Variants in HMGXB3 observed in about 807,000 individuals in gnomAD.
The protein encoded by HMGXB3 is HMG-box containing 3.
HMGXB3 carries 45 observed loss-of-function variants against 121.5 expected under a neutral mutation model. The ratio of observed to expected loss-of-function variants is 0.37; its 90% CI spans 0.29 to 0.47. The LOEUF (loss-of-function observed/expected upper bound fraction) is 0.47. Among genes scored for constraint, HMGXB3 ranks in the 20% least tolerant of loss-of-function variants. The pLI is 0.99. For synonymous variants in HMGXB3, 590 were observed against 624.1 expected (o/e 0.95, Z 0.81); for missense variants, 1,376 against 1,602.2 (o/e 0.86, Z 2.41).
intron 11 of HMGXB3, 134 bp downstream of exon 11, chr5:150,032,737 T>C (rs1756410404): frequency 1.9e-6 from 2 of 1,080,478 alleles, no homozygotes; most frequent in Non-Finnish European, 2.6e-6. Flanking sequence ...GTTGGTGGGT[T>C]CTGAACCTGA....
chr5:150,027,824 A>T (rs1257875532), intron 9 of HMGXB3, among the ~76,000 whole-genome samples: 2 of 152,178 alleles, frequency 1.3e-5, no homozygotes, highest in African/African-American at 4.8e-5. Flanking sequence ...AAGTGCTGGG[A>T]TTACAGGGGT....
At position 150,026,954 on chromosome 5, in the gene HMGXB3, G is replaced by A. The variant is rs555897461; in HGVS notation, c.1637-66G>A. 6.5e-5 allele frequency: 100 copies of A among 1,531,634 alleles called. 1 individual carries two copies. Among genetic ancestry groups the A allele is most frequent in the South Asian group, 4.2e-4 (34 of 81,006 alleles). The allele number at this position is 1,531,634 out of a possible 1,614,324, so 94.9% of individuals were successfully genotyped here. On this transcript the variant is annotated intron_variant, in intron 8 of 19. Transcript: ENST00000502717. ...GGGACAGGAGTGGGGGGTTGAGAACGGACATAGAGACTTGGGGAGACTCTG... is the reference window on the plus strand; with the variant it reads ...GGGACAGGAGTGGGGGGTTGAGAACAGACATAGAGACTTGGGGAGACTCTG...
intron 5 of HMGXB3, 121 bp from the exon 6 acceptor site, chr5:150,018,445 A>G (rs1387604589): frequency 2.7e-6 from 2 of 743,872 alleles, no homozygotes; most frequent in African/African-American, 3.6e-5. Context: ...ACCTTTTATG[A>G]TATGATTATG....
At chr5:150,032,099 G>A (rs1401499367) in intron 10 of HMGXB3, among the ~76,000 whole-genome samples, 2 of 150,162 alleles carry the variant, frequency 1.3e-5, no homozygotes, top group Non-Finnish European at 1.5e-5. Flanking sequence ...TTGTCTTCAG[G>A]CAGGGCTTGA....
chr5:150,030,781 T>G lies in HMGXB3; in HGVS notation c.1775T>G (p.Val592Gly). The G allele has an allele frequency of 6.4e-7, 1 of 1,552,186 alleles. No individual in the cohort carries two copies. Among genetic ancestry groups the G allele is most frequent in the East Asian group, 2.4e-5 (1 of 40,916 alleles). Reference protein sequence around the residue: ...GPSNRTSQVKVVEVKPDMFPP... With the variant: ...GPSNRTSQVKGVEVKPDMFPP... ...TCCAACAGGACTTCTCAGGTGAAAG[T>G]TGTGGAGGTCAAGCCCGATATGTTT... The change falls in exon 10 of 20, where the codon GTT (valine) becomes GGT (glycine). Residue 592 changes from valine (V) to glycine (G), a missense_variant. Coordinates refer to ENST00000502717, the MANE Select transcript of HMGXB3 (RefSeq NM_014983.3).
At position 150,052,517 on chromosome 5, in the gene HMGXB3, G is replaced by A. The variant is rs1403797197; in HGVS notation, c.*325G>A. Reference sequence around the variant, plus strand: ...CGTGGGGCCTGCGGTGTGGGTCAGGGTGGAGGTCCTGGGTGGGCTAAGGCG... The same window carrying A: ...CGTGGGGCCTGCGGTGTGGGTCAGGATGGAGGTCCTGGGTGGGCTAAGGCG... On this transcript the variant is annotated 3_prime_UTR_variant, in exon 20 of 20. Coordinates refer to ENST00000502717, the MANE Select transcript of HMGXB3 (RefSeq NM_014983.3). 2 of 306,184 alleles carry A rather than the reference G, an allele frequency of 6.5e-6. No homozygotes were observed. The highest frequency in any genetic ancestry group is 1.2e-5 in the Non-Finnish European group (2 of 162,228). 19.0% of individuals were successfully genotyped at this position (306,184 alleles called of 1,614,324 possible).
Position 150,010,386 on chromosome 5 carries a change from C to G in HMGXB3, c.588C>G (p.Thr196=). 6.4e-7 allele frequency: 1 copy of G among 1,551,638 alleles called. No homozygotes were observed. Among genetic ancestry groups the G allele is most frequent in the Non-Finnish European group, 8.7e-7 (1 of 1,146,978 alleles). ...TGGCTGAGGAGGTGGGAGCCCTTAC[C>G]CAGTCAGGTGCTGTACAGGAGATTG... The part of the protein sequence containing the change: ...EALAEEVGAL[T]QSGAVQEIAT... The change falls in exon 4 of 20, where the codon ACC becomes ACG. Residue 196 remains threonine, a synonymous_variant. Coordinates refer to ENST00000502717, the MANE Select transcript of HMGXB3 (RefSeq NM_014983.3).
chr5:150,031,850 G>A (rs1330709571), intron 10 of HMGXB3, among the ~76,000 whole-genome samples: 2 of 152,100 alleles, frequency 1.3e-5, no homozygotes, highest in African/African-American at 2.4e-5. Flanking sequence ...TGATCCATAA[G>A]GAGAATGTGT....
intron 5 of HMGXB3, among the ~76,000 whole-genome samples, chr5:150,013,353 G>C (rs116075648): frequency 0.013 from 2,035 of 152,150 alleles, 37 homozygotes; most frequent in African/African-American, 0.047. Flanking sequence ...AGAATTTTCC[G>C]GAAGTTGGTT....
chr5:150,040,713 C>T, intron 13 of HMGXB3, 35 bp from the exon 14 acceptor site: 3 of 1,545,714 alleles, frequency 1.9e-6, no homozygotes, highest in Non-Finnish European at 2.6e-6. Flanking sequence ...GTGTATGATA[C>T]ATTAATTTCC....
chr5:150,041,837 T>C lies in HMGXB3; in HGVS notation c.2598T>C (p.Asn866=). The change falls in exon 15 of 20, where the codon AAT becomes AAC. Residue 866 remains asparagine (N), a synonymous_variant. Transcript: ENST00000502717. ...GCCAGCTGCAGGAGCTGCTGTGCAA[T>C]GGCTATTGGGCCTTTGAGTGCCTCA... is the stretch of plus-strand genomic sequence containing the variant. ...ELSQLQELLC[N]GYWAFECLTV... is the part of the protein sequence containing the mutation. The C allele has an allele frequency of 6.4e-7, 1 of 1,551,706 alleles. No homozygotes were observed.
At chr5:150,042,849 C>G (rs925991291) in intron 15 of HMGXB3, among the ~76,000 whole-genome samples, 1 of 152,152 alleles carries the variant, frequency 6.6e-6, no homozygotes, top group African/African-American at 2.4e-5. Context: ...AAATATTATT[C>G]CAAACATAGG....
At chr5:150,044,797 G>A (rs922499084) in intron 15 of HMGXB3, among the ~76,000 whole-genome samples, 26 of 152,178 alleles carry the variant, frequency 1.7e-4, no homozygotes, top group African/African-American at 5.5e-4. Flanking sequence ...ATTAGGATCC[G>A]GGTCACGTTT....
intron 16 of HMGXB3, among the ~76,000 whole-genome samples, chr5:150,046,410 T>C (rs942696304): frequency 9.9e-5 from 15 of 152,262 alleles, no homozygotes; most frequent in Non-Finnish European, 2.1e-4. Flanking sequence ...TATTTTTCTT[T>C]ATTTTCTATC....
In HMGXB3 at chr5:150,052,433, G is replaced by T. The variant is rs754034806; in HGVS notation, c.*241G>T. The T allele has an allele frequency of 1.5e-5, 8 of 523,324 alleles. No homozygotes were observed. The highest frequency in any genetic ancestry group is 2.7e-5 in the Non-Finnish European group (8 of 291,374). 32.4% of individuals were successfully genotyped at this position (523,324 alleles called of 1,614,324 possible). On this transcript the variant is annotated 3_prime_UTR_variant, in exon 20 of 20. Coordinates refer to ENST00000502717, the MANE Select transcript of HMGXB3 (RefSeq NM_014983.3). ...CTTCTGGCCCCGAGAGAGCACTTGG[G>T]GGACACGGTATGTTTAATGGAGGGG...
At position 150,040,869 on chromosome 5, in the gene HMGXB3, G is replaced by C; in HGVS notation, c.2535G>C (p.Gln845His). 1.9e-6 allele frequency: 3 copies of C among 1,548,778 alleles called. No homozygotes were observed. The African/African-American group carries it at 4.1e-5, about 21-fold the overall frequency. The change falls in exon 14 of 20, where the codon CAG (glutamine) becomes CAC (histidine). Residue 845 changes from glutamine (Q) to histidine (H), a missense_variant. Around this residue, in one of 2 missense-constraint regions of HMGXB3, gnomAD observed 1,116 missense variants for 1,369.0 expected, o/e 0.82. Coordinates refer to ENST00000502717, the MANE Select transcript of HMGXB3 (RefSeq NM_014983.3). ...VSINVVLKSV[Q>H]EQTEKTLTSE... ...TCAATGTTGTTCTGAAGTCGGTGCA[G>C]GAGCAGACAGGTAAAAGTTGTTTTC... is the stretch of plus-strand genomic sequence containing the variant.
chr5:150,008,820 T>C (rs953255396), intron 3 of HMGXB3, among the ~76,000 whole-genome samples: 8 of 152,362 alleles, frequency 5.3e-5, no homozygotes, highest in African/African-American at 1.9e-4. Flanking sequence ...CTTCAAAGGG[T>C]GGCTTGAGAA....
In HMGXB3 at chr5:150,051,906, C is replaced by T. The variant is rs749467956; in HGVS notation, c.3593C>T (p.Ala1198Val). 5.8e-6 allele frequency: 9 copies of T among 1,551,956 alleles called. No individual in the cohort carries two copies. The Admixed American group carries it at 1.2e-4, about 20-fold the overall frequency. The change falls in exon 20 of 20, where the codon GCA becomes GTA. Residue 1198 changes from alanine (A) to valine (V), a missense_variant. Ala to Val is a moderately conservative substitution (Grantham distance 64). This residue lies in a region of HMGXB3 where 260 missense variants were observed against 233.2 expected (regional missense o/e 1.11). Coordinates refer to ENST00000502717, the MANE Select transcript of HMGXB3 (RefSeq NM_014983.3). ...HHSLALCPEL[A>V]PYATILASIV... ...TCCTTGGCCCTGTGCCCTGAATTGG[C>T]ACCTTACGCAACCATCCTGGCCTCC... is the stretch of plus-strand genomic sequence containing the variant.
intron 3 of HMGXB3, among the ~76,000 whole-genome samples, chr5:150,007,607 G>A (rs1226813618): frequency 6.6e-6 from 1 of 152,158 alleles, no homozygotes; most frequent in Non-Finnish European, 1.5e-5. Flanking sequence ...GGAGAGCTTT[G>A]TCTTACCTAC....
Sources: gnomAD v4.1 joint callset for allele counts (sites outside exome capture counted in the v4.1 genomes callset) on GRCh38, gnomAD v4.1.1 for gene constraint, gnomAD v4.1.1 regional missense constraint, MANE v1.5 for transcripts, NCBI Gene and HGNC (gene_info 2026-07-23, HGNC 2026-07-21) for gene names.